Variants in HDAC8 observed in about 807,000 individuals in gnomAD.
The protein encoded by HDAC8 is histone deacetylase 8.
In HDAC8, 1 loss-of-function variant was observed where a neutral mutation model predicts 32.2. That is an observed-to-expected ratio of 0.03 (90% CI 0.01 to 0.15). The LOEUF (loss-of-function observed/expected upper bound fraction) is 0.15. Ranked by LOEUF, HDAC8 falls within the 10% of genes least tolerant of loss-of-function variation. HDAC8 has a pLI of 1.00. For missense variants in HDAC8, 117 were observed against 300.0 expected (o/e 0.39, Z 4.51); for synonymous variants, 108 against 113.9 (o/e 0.95, Z 0.33).
intron 4 of HDAC8, among the ~76,000 whole-genome samples, chrX:72,500,555 A>G (rs1171965937): frequency 3.6e-5 from 4 of 112,041 alleles, no homozygotes; most frequent in African/African-American, 1.3e-4. Context: ...AGACGCAGAA[A>G]AGGCTTTCAA....
At chrX:72,481,065 TAA>T (rs1242135895) in intron 7 of HDAC8, among the ~76,000 whole-genome samples, 2 of 97,726 alleles carry the variant, frequency 2.0e-5, no homozygotes, top group Admixed American at 2.2e-4. Flanking sequence ...GAACTTAAAG[TAA>T]AAAAAAAAAA....
At chrX:72,559,726 C>A (rs2051450721) in intron 4 of HDAC8, among the ~76,000 whole-genome samples, 1 of 109,538 alleles carries the variant, frequency 9.1e-6, no homozygotes, top group Admixed American at 9.5e-5. Context: ...GCCGGGACCC[C>A]ATCTGGGAGG....
intron 4 of HDAC8, among the ~76,000 whole-genome samples, chrX:72,496,344 G>T (rs1603086361): frequency 1.8e-5 from 2 of 110,000 alleles, no homozygotes; most frequent in Admixed American, 2.0e-4. Context: ...CATGTACACT[G>T]GCAAGCAGAA....
intron 4 of HDAC8, among the ~76,000 whole-genome samples, chrX:72,549,309 C>G (rs781790541): frequency 1.8e-5 from 2 of 109,922 alleles, no homozygotes; most frequent in Non-Finnish European, 3.8e-5. Context: ...TTGTTCCCCC[C>G]CCGCCTTATT....
chrX:72,552,014 G>A (rs2051087080), intron 4 of HDAC8, among the ~76,000 whole-genome samples: 1 of 112,032 alleles, frequency 8.9e-6, no homozygotes, highest in South Asian at 3.7e-4. Context: ...TGTATATAAT[G>A]TTAACACTCT....
chrX:72,432,072 G>A (rs1193232180), intron 9 of HDAC8, among the ~76,000 whole-genome samples: 1 of 111,108 alleles, frequency 9.0e-6, no homozygotes, highest in Non-Finnish European at 1.9e-5. Flanking sequence ...CTGGGCTCAA[G>A]TGATTCTCCT....
intron 9 of HDAC8, among the ~76,000 whole-genome samples, chrX:72,432,601 C>T (rs1471796567): frequency 2.8e-5 from 3 of 107,149 alleles, no homozygotes; most frequent in Non-Finnish European, 5.8e-5. Context: ...CCCTGAAGTT[C>T]TGGCCTTAAA....
rs1197341429 is a variant in HDAC8, at chrX:72,445,440, C to G, written c.1005+16564G>C. The stretch of plus-strand genomic sequence containing the variant: ...AAAAACAAGCAATGGGGAAAGGATT[C>G]CCTATTTAATAAATGGTGCTGGAAA... On this transcript the variant is annotated intron_variant, in intron 9 of 10. Coordinates refer to ENST00000373573, the MANE Select transcript of HDAC8 (RefSeq NM_018486.3). Among the ~76,000 whole-genome samples the G allele has an allele frequency of 1.9e-4, 21 of 111,933 alleles. No homozygotes were observed. In the Admixed American group the frequency reaches 1.9e-3, roughly 10 times the overall value.
intron 4 of HDAC8, among the ~76,000 whole-genome samples, chrX:72,551,048 A>G (rs2051051460): frequency 9.2e-6 from 1 of 108,417 alleles, no homozygotes; most frequent in Non-Finnish European, 1.9e-5. Flanking sequence ...TACAAATCTT[A>G]TAAAAAGATG....
chrX:72,542,655 GA>G (rs1233859794), intron 4 of HDAC8, among the ~76,000 whole-genome samples: 7 of 111,948 alleles, frequency 6.3e-5, no homozygotes, highest in Non-Finnish European at 7.5e-5. Context: ...AAGGAGTACT[GA>G]AAAGACTGGA....
intron 10 of HDAC8, among the ~76,000 whole-genome samples, chrX:72,345,733 T>G (rs1463371085): frequency 9.0e-6 from 1 of 111,707 alleles, no homozygotes; most frequent in Admixed American, 9.5e-5. Context: ...TAGGCTGGAG[T>G]GCAGTGGCAC....
At chrX:72,344,918 A>C (rs1472159097) in intron 10 of HDAC8, among the ~76,000 whole-genome samples, 14 of 111,766 alleles carry the variant, frequency 1.3e-4, no homozygotes, top group African/African-American at 4.6e-4. Context: ...TAATTTCAGA[A>C]CCTAGAATGA....
intron 10 of HDAC8, among the ~76,000 whole-genome samples, chrX:72,340,040 A>G (rs966987305): frequency 3.6e-5 from 4 of 112,251 alleles, no homozygotes; most frequent in Non-Finnish European, 7.5e-5. Context: ...CAGCACTTAG[A>G]GGATATTACC....
At chrX:72,351,260 TG>T in intron 10 of HDAC8, 1 of 189,297 alleles carries the variant, frequency 5.3e-6, no homozygotes, top group South Asian at 7.0e-5. Flanking sequence ...CCACTATGCC[TG>T]GCTAATTTTT....
intron 9 of HDAC8, among the ~76,000 whole-genome samples, chrX:72,423,436 T>C (rs1425158517): frequency 8.9e-6 from 1 of 111,959 alleles, no homozygotes; most frequent in East Asian, 2.8e-4. Flanking sequence ...AGGCTGCTAG[T>C]TGTTTTTCAA....
At chrX:72,472,836 A>G (rs1207507453) in intron 7 of HDAC8, among the ~76,000 whole-genome samples, 2 of 110,752 alleles carry the variant, frequency 1.8e-5, no homozygotes, top group Non-Finnish European at 3.8e-5. Context: ...TTTGAAAGTC[A>G]CCCTTTCAGA....
At chrX:72,346,308 G>C (rs1276814526) in intron 10 of HDAC8, among the ~76,000 whole-genome samples, 1 of 112,057 alleles carries the variant, frequency 8.9e-6, no homozygotes, top group Non-Finnish European at 1.9e-5. Context: ...AAGCCCTAAA[G>C]CAAATGGTCA....
intron 3 of HDAC8, among the ~76,000 whole-genome samples, 170 bp downstream of exon 3, chrX:72,568,584 T>C (rs2051889484): frequency 8.9e-6 from 1 of 112,696 alleles, no homozygotes; most frequent in Non-Finnish European, 1.9e-5. Flanking sequence ...TCATGTGGTT[T>C]TGCTCAACTC....
intron 2 of HDAC8, among the ~76,000 whole-genome samples, chrX:72,570,973 G>A (rs1247917964): frequency 8.9e-6 from 1 of 112,146 alleles, no homozygotes; most frequent in Non-Finnish European, 1.9e-5. Context: ...CACCCAGGCT[G>A]GGGTGCAGTG....
Sources: gnomAD v4.1 joint callset for allele counts (sites outside exome capture counted in the v4.1 genomes callset) on GRCh38, gnomAD v4.1.1 for gene constraint, MANE v1.5 for transcripts, NCBI Gene and HGNC (gene_info 2026-07-23, HGNC 2026-07-21) for gene names.